Variants in RERE observed in about 807,000 individuals in gnomAD.
RERE encodes arginine-glutamic acid dipeptide repeats protein.
RERE carries 40 observed loss-of-function variants against 146.1 expected under a neutral mutation model. The ratio of observed to expected loss-of-function variants is 0.27; its 90% CI spans 0.21 to 0.36. RERE has a LOEUF of 0.36. Ranked by LOEUF, RERE falls within the 10% of genes least tolerant of loss-of-function variation. The pLI is 1.00. For synonymous variants in RERE, 1,003 were observed against 866.0 expected (o/e 1.16, Z -2.78); for missense variants, 1,933 against 2,138.7 (o/e 0.90, Z 1.90).
At chr1:8,625,144 GTTTT>G (rs1409144510) in intron 2 of RERE, among the ~76,000 whole-genome samples, 4 of 150,504 alleles carry the variant, frequency 2.7e-5, no homozygotes, top group East Asian at 1.9e-4. Flanking sequence ...TTGTTTGTTT[GTTTT>G]GTTTTGTTTT....
At chr1:8,710,975 G>A (rs1031502687) in intron 1 of RERE, among the ~76,000 whole-genome samples, 6 of 151,826 alleles carry the variant, frequency 4.0e-5, no homozygotes, top group Non-Finnish European at 7.4e-5. Context: ...TGACCAACAT[G>A]GCAACACCCC....
intron 1 of RERE, among the ~76,000 whole-genome samples, chr1:8,699,832 C>A (rs1421325971): frequency 7.2e-5 from 11 of 152,118 alleles, no homozygotes; most frequent in Non-Finnish European, 1.3e-4. Context: ...TAGTCTAAGA[C>A]AAGCTCTCTT....
chr1:8,539,153 C>A (rs1645765575), intron 7 of RERE, among the ~76,000 whole-genome samples: 1 of 152,146 alleles, frequency 6.6e-6, no homozygotes, highest in African/African-American at 2.4e-5. Context: ...TAAATAAGCA[C>A]AATATCACTA....
chr1:8,589,828 T>A (rs1646470334), intron 4 of RERE, among the ~76,000 whole-genome samples: 1 of 152,214 alleles, frequency 6.6e-6, no homozygotes, highest in Non-Finnish European at 1.5e-5. Context: ...AGACCAAATG[T>A]GGCAAAACTC....
chr1:8,671,563 G>A (rs1044571995), intron 1 of RERE, among the ~76,000 whole-genome samples: 4 of 152,154 alleles, frequency 2.6e-5, no homozygotes, highest in South Asian at 2.1e-4. Flanking sequence ...CTGGGCTAAC[G>A]AATTAAGGAA....
chr1:8,763,900 C>T (rs1640800801), intron 1 of RERE, among the ~76,000 whole-genome samples: 1 of 151,370 alleles, frequency 6.6e-6, no homozygotes, highest in Admixed American at 6.6e-5. Flanking sequence ...GAGATCACGC[C>T]ACTGCACTCC....
intron 7 of RERE, among the ~76,000 whole-genome samples, chr1:8,531,820 T>C (rs894675966): frequency 2.0e-5 from 3 of 152,222 alleles, no homozygotes; most frequent in Non-Finnish European, 2.9e-5. Context: ...GATGATTGCA[T>C]GGGTACAAAA....
intron 1 of RERE, among the ~76,000 whole-genome samples, chr1:8,691,043 G>T (rs986507428): frequency 6.6e-6 from 1 of 151,922 alleles, no homozygotes; most frequent in African/African-American, 2.4e-5. Flanking sequence ...GACTATAGGC[G>T]CGCACCACCA....
intron 10 of RERE, among the ~76,000 whole-genome samples, chr1:8,487,686 AGGT>A (rs1644920198): frequency 6.6e-6 from 1 of 152,192 alleles, no homozygotes; most frequent in African/African-American, 2.4e-5. Context: ...ATTATAGCAG[AGGT>A]TCAAGGAAGT....
rs1316487124 is a variant in RERE, at chr1:8,663,725, T to C, written c.-144-7284A>G. ...CATACAATTCATTTAAAGCATACAA[T>C]GCCCACTATTCCTTTTCAAAGATTA... is the stretch of plus-strand genomic sequence containing the variant. On this transcript the variant is annotated intron_variant, in intron 1 of 22. Coordinates refer to ENST00000400908, the MANE Select transcript of RERE (RefSeq NM_001042681.2). 2.0e-5 allele frequency among the ~76,000 whole-genome samples: 3 copies of C among 152,178 alleles called. No individual in the cohort carries two copies. In the East Asian group the frequency reaches 5.8e-4, roughly 29 times the overall value.
At chr1:8,774,821 A>G (rs1641028926) in intron 1 of RERE, among the ~76,000 whole-genome samples, 2 of 152,064 alleles carry the variant, frequency 1.3e-5, no homozygotes, top group Non-Finnish European at 2.9e-5. Flanking sequence ...ATTGGTGGGT[A>G]TTTTAACTCC....
At chr1:8,362,607 G>A in intron 16 of RERE, 76 bp downstream of exon 16, 2 of 1,569,956 alleles carry the variant, frequency 1.3e-6, no homozygotes, top group Admixed American at 1.7e-5. Flanking sequence ...TGAGGGAGCT[G>A]ATCACGAATA....
rs981896787 is a variant in RERE, at chr1:8,523,860, C to G, written c.831-15185G>C. ...GCAGGAACCTGATCCAGAGCTGATT[C>G]GGCTGTGAGCACAGCTTCCTGTTCA... is the stretch of plus-strand genomic sequence containing the variant. On this transcript the variant is annotated intron_variant, in intron 7 of 22. Coordinates refer to ENST00000400908, the MANE Select transcript of RERE (RefSeq NM_001042681.2). 3.3e-5 allele frequency among the ~76,000 whole-genome samples: 5 copies of G among 152,194 alleles called. No individual in the cohort carries two copies. The East Asian group carries it at 9.6e-4, about 29-fold the overall frequency.
intron 11 of RERE, among the ~76,000 whole-genome samples, chr1:8,432,287 C>T (rs1366468869): frequency 6.6e-6 from 1 of 152,064 alleles, no homozygotes; most frequent in Non-Finnish European, 1.5e-5. Flanking sequence ...TTACCAATGC[C>T]TTTCTCTCTT....
intron 12 of RERE, among the ~76,000 whole-genome samples, chr1:8,377,747 C>G (rs572897267): frequency 6.6e-6 from 1 of 151,976 alleles, no homozygotes; most frequent in African/African-American, 2.4e-5. Flanking sequence ...AAATATACAT[C>G]GGCAATGTAA....
intron 4 of RERE, among the ~76,000 whole-genome samples, chr1:8,605,125 T>C (rs1646686004): frequency 6.6e-6 from 1 of 152,138 alleles, no homozygotes; most frequent in Non-Finnish European, 1.5e-5. Context: ...ACAAATCAAC[T>C]CTTTCCCAAC....
chr1:8,364,910 T>TG lies in RERE; in HGVS notation c.1448-73dup, dbSNP rs371600078. 42 of 27,000 alleles carry TG rather than the reference T, an allele frequency of 1.6e-3. 2 individuals are homozygous for TG. The East Asian group carries it at 0.017, about 11-fold the overall frequency. 1.7% of individuals were successfully genotyped at this position (27,000 alleles called of 1,614,324 possible). On this transcript the variant is annotated intron_variant, in intron 13 of 22. Transcript: ENST00000400908. This position sits in a 1 kb window ranked among gnomAD's most constrained non-coding sequence, Gnocchi z 5.1. ...CTCAGCCAAGGCTGGGCCGGTGGGG[T>TG]GGGGGGGAGGGGGGAACACCTGTGA...
At chr1:8,435,802 G>GC (rs547444894) in intron 11 of RERE, among the ~76,000 whole-genome samples, 58 of 152,322 alleles carry the variant, frequency 3.8e-4, no homozygotes, top group African/African-American at 1.3e-3. Flanking sequence ...CTCTGTCAGT[G>GC]CCCCTCTGGG....
chr1:8,807,562 T>C (rs2124601352), intron 1 of RERE, among the ~76,000 whole-genome samples: 1 of 152,340 alleles, frequency 6.6e-6, no homozygotes, highest in East Asian at 1.9e-4. Context: ...GCCTTTCTTC[T>C]TGAATCTCTC....
Sources: gnomAD v4.1 joint callset for allele counts (sites outside exome capture counted in the v4.1 genomes callset) on GRCh38, gnomAD v4.1.1 for gene constraint, Gnocchi (gnomAD v3.1) non-coding constraint, MANE v1.5 for transcripts, NCBI Gene and HGNC (gene_info 2026-07-23, HGNC 2026-07-21) for gene names.